RNF169: variants seen among roughly 807,000 people sequenced by gnomAD.
The protein encoded by RNF169 is E3 ubiquitin-protein ligase RNF169.
Under a neutral mutation model 53.9 loss-of-function variants are expected in RNF169, and 24 were observed. The ratio of observed to expected loss-of-function variants is 0.45; its 90% CI spans 0.32 to 0.63. The LOEUF (loss-of-function observed/expected upper bound fraction) is 0.63. Among genes scored for constraint, RNF169 ranks in the 20% least tolerant of loss-of-function variants. The pLI is 0.04. For missense variants in RNF169, 883 were observed against 906.2 expected, an observed-to-expected ratio of 0.97 and a Z score of 0.33; for synonymous variants, 396 against 363.5, an observed-to-expected ratio of 1.09 and a Z score of -1.02.
At chr11:74,816,253 T>C (rs548890270) in intron 3 of RNF169, among the ~76,000 whole-genome samples, 2 of 152,360 alleles carry the variant, frequency 1.3e-5, no homozygotes, top group East Asian at 3.9e-4. Flanking sequence ...TGGTTAATCA[T>C]CAGCTGAGCA....
At chr11:74,807,212 C>T (rs527357282) in intron 2 of RNF169, among the ~76,000 whole-genome samples, 1 of 152,240 alleles carries the variant, frequency 6.6e-6, no homozygotes, top group East Asian at 1.9e-4. Context: ...GGGACTTACT[C>T]AGGTTGTACA....
chr11:74,754,091 T>G lies in RNF169; in HGVS notation c.502+4709T>G, dbSNP rs562881735. On this transcript the variant is annotated intron_variant, in intron 1 of 5. Transcript: ENST00000299563. Reference sequence around the variant, plus strand: ...ATATTTGGACCATTTTGAGCAATATTCAGGAATTATGTAATATGTGTCTAC... The same window carrying G: ...ATATTTGGACCATTTTGAGCAATATGCAGGAATTATGTAATATGTGTCTAC... 1.1e-3 allele frequency among the ~76,000 whole-genome samples: 172 copies of G among 152,314 alleles called. 2 individuals carry two copies. The highest frequency in any genetic ancestry group is 0.01 in the Middle Eastern group (3 of 294).
intron 1 of RNF169, among the ~76,000 whole-genome samples, chr11:74,783,683 T>C (rs966777749): frequency 2.6e-5 from 4 of 152,204 alleles, no homozygotes; most frequent in African/African-American, 9.7e-5. Flanking sequence ...TTCCTGGTTC[T>C]GACTTGACAT....
At position 74,749,166 on chromosome 11, in the gene RNF169, G is replaced by T; in HGVS notation, c.286G>T (p.Ala96Ser). 1 of 1,241,214 alleles carries T rather than the reference G, an allele frequency of 8.1e-7. No homozygotes were observed. The allele number at this position is 1,241,214 out of a possible 1,614,324, so 76.9% of individuals were successfully genotyped here. A position where few individuals can be genotyped will look rare whatever the true frequency, so the allele number is the denominator to read the frequency against. Reference sequence around the variant, plus strand: ...TTGCCGAGGCTGCGCCCAACGCGCCGCCGACGCGGCGGGCCCGGGTTGCCC... The same window carrying T: ...TTGCCGAGGCTGCGCCCAACGCGCCTCCGACGCGGCGGGCCCGGGTTGCCC... ...SLCRGCAQRA[A>S]DAAGPGCPRC... Residue 96 changes from alanine to serine, a missense_variant, in exon 1 of 6, where the codon GCC becomes TCC. By Grantham distance (99) the Ala-to-Ser change is moderately conservative. Transcript: ENST00000299563.
At chr11:74,820,637 G>T (rs1352227247) in intron 4 of RNF169, among the ~76,000 whole-genome samples, 1 of 152,064 alleles carries the variant, frequency 6.6e-6, no homozygotes, top group African/African-American at 2.4e-5. Flanking sequence ...AGGGATTCAG[G>T]AATTGGAACA....
rs2036323013 is a variant in RNF169 at position 74,839,871 on chromosome 11, CT to C, written c.*3146del. 1 of 152,158 alleles carries C rather than the reference CT, an allele frequency of 6.6e-6. No homozygotes were observed. Among genetic ancestry groups the C allele is most frequent in the African/African-American group, 2.4e-5 (1 of 41,432 alleles). The allele number at this position is 152,158 out of a possible 1,614,324, so 9.4% of individuals were successfully genotyped here. A position where few individuals can be genotyped will look rare whatever the true frequency, so the allele number is the denominator to read the frequency against. On this transcript the variant is annotated 3_prime_UTR_variant, in exon 6 of 6. Transcript: ENST00000299563. ...CCTGGCCCCTTTAATCTATTTGCCT[CT>C]TTTTAAAAAAGGTTAAGTCTTCTTG...
At chr11:74,804,425 T>C (rs471462) in intron 2 of RNF169, among the ~76,000 whole-genome samples, 94,033 of 152,044 alleles carry the variant, frequency 0.62, 30,497 homozygotes, top group East Asian at 0.81. Flanking sequence ...CGAAAGTGCT[T>C]GGTGAGCCTG....
chr11:74,825,424 T>C (rs1162656973), intron 4 of RNF169, among the ~76,000 whole-genome samples: 1 of 152,138 alleles, frequency 6.6e-6, no homozygotes, highest in Non-Finnish European at 1.5e-5. Flanking sequence ...CCTTCCTGGA[T>C]ATATACACCC....
At chr11:74,794,081 A>G (rs1228060307) in intron 2 of RNF169, among the ~76,000 whole-genome samples, 2 of 152,172 alleles carry the variant, frequency 1.3e-5, no homozygotes, top group Non-Finnish European at 1.5e-5. Flanking sequence ...GCTACTAGGG[A>G]GGCTGGAAAG....
At chr11:74,824,513 G>A (rs1244551349) in intron 4 of RNF169, among the ~76,000 whole-genome samples, 1 of 152,098 alleles carries the variant, frequency 6.6e-6, no homozygotes, top group Non-Finnish European at 1.5e-5. Context: ...CATCCAAGAA[G>A]TTCTGTGACT....
chr11:74,820,461 G>C (rs1003964115), intron 4 of RNF169, among the ~76,000 whole-genome samples: 1 of 152,126 alleles, frequency 6.6e-6, no homozygotes, highest in Non-Finnish European at 1.5e-5. Context: ...GAAAAGAAAG[G>C]GGGTGGGGGC....
At chr11:74,806,604 A>G (rs1479817693) in intron 2 of RNF169, among the ~76,000 whole-genome samples, 1 of 152,254 alleles carries the variant, frequency 6.6e-6, no homozygotes, top group Admixed American at 6.5e-5. Context: ...ACAACAGAAT[A>G]CTATAAAACA....
intron 2 of RNF169, among the ~76,000 whole-genome samples, chr11:74,802,825 G>A (rs915972404): frequency 1.3e-5 from 2 of 151,796 alleles, no homozygotes; most frequent in Admixed American, 6.6e-5. Flanking sequence ...TCAAGTAGGG[G>A]AGTGGAAATC....
intron 4 of RNF169, among the ~76,000 whole-genome samples, chr11:74,826,804 G>A (rs1024382051): frequency 1.3e-5 from 2 of 152,246 alleles, no homozygotes; most frequent in Admixed American, 1.3e-4. Context: ...TTGACTCCAT[G>A]TCTCACATTC....
chr11:74,794,394 G>A (rs975312579), intron 2 of RNF169, among the ~76,000 whole-genome samples: 1 of 152,200 alleles, frequency 6.6e-6, no homozygotes, highest in Non-Finnish European at 1.5e-5. Context: ...TGAAGGATGT[G>A]ATAGTGAAAG....
chr11:74,833,518 C>A (rs1303146275), intron 4 of RNF169, among the ~76,000 whole-genome samples: 1 of 151,624 alleles, frequency 6.6e-6, no homozygotes, highest in East Asian at 1.9e-4. Flanking sequence ...ATGAAGAACT[C>A]TCTCCTTTAT....
At chr11:74,809,707 T>C (rs1439984591) in intron 2 of RNF169, among the ~76,000 whole-genome samples, 3 of 152,240 alleles carry the variant, frequency 2.0e-5, no homozygotes, top group South Asian at 4.1e-4. Context: ...TCTTGACTTA[T>C]CCTGTAACTG....
chr11:74,788,276 T>A (rs185711230), intron 1 of RNF169, among the ~76,000 whole-genome samples: 7 of 149,128 alleles, frequency 4.7e-5, no homozygotes, highest in Non-Finnish European at 1.0e-4. Context: ...TTCTATTCAT[T>A]GGGGGTTTAT....
At position 74,749,130 on chromosome 11, in the gene RNF169, G is replaced by A. The variant is rs2034841479; in HGVS notation, c.250G>A (p.Gly84Ser). The A allele has an allele frequency of 3.7e-6, 5 of 1,340,980 alleles. No individual in the cohort carries two copies. Among genetic ancestry groups the A allele is most frequent in the Non-Finnish European group, 4.8e-6 (5 of 1,043,744 alleles). 83.1% of individuals were successfully genotyped at this position (1,340,980 alleles called of 1,614,324 possible). A position where few individuals can be genotyped will look rare whatever the true frequency, so the allele number is the denominator to read the frequency against. ...CGGAGAAGCAGCGGCCCTGCCGTGC[G>A]GCCACTCGCTTTGCCGAGGCTGCGC... ...PPGEAAALPC[G>S]HSLCRGCAQR... Residue 84 changes from glycine to serine, a missense_variant, in exon 1 of 6, where the codon GGC becomes AGC. By Grantham distance (56) the Gly-to-Ser change is moderately conservative. This residue lies in a region of RNF169 where 313 missense variants were observed against 279.9 expected (regional missense o/e 1.12). Coordinates refer to ENST00000299563, the MANE Select transcript of RNF169 (RefSeq NM_001098638.2).
Sources: gnomAD v4.1 joint callset for allele counts (sites outside exome capture counted in the v4.1 genomes callset) on GRCh38, gnomAD v4.1.1 for gene constraint, gnomAD v4.1.1 regional missense constraint, MANE v1.5 for transcripts, NCBI Gene and HGNC (gene_info 2026-07-23, HGNC 2026-07-21) for gene names.